The following PLA2G4E variants were observed in gnomAD, a reference collection of about 807,000 sequenced individuals.
PLA2G4E encodes the protein cytosolic phospholipase A2 epsilon.
A neutral mutation model predicts 109.1 loss-of-function variants in PLA2G4E; 84 were observed. The ratio of observed to expected loss-of-function variants is 0.77; its 90% CI spans 0.65 to 0.92. The LOEUF is 0.92. Ranked by LOEUF, PLA2G4E falls within the 40% of genes least tolerant of loss-of-function variation. The pLI, the probability that PLA2G4E is intolerant of heterozygous loss-of-function variation, is 0.00. For missense variants in PLA2G4E, 1,057 were observed against 1,076.6 expected (o/e 0.98, Z 0.25); for synonymous variants, 469 against 436.1 (o/e 1.08, Z -0.94).
intron 1 of PLA2G4E, among the ~76,000 whole-genome samples, chr15:42,039,625 GATAA>G (rs1811349685): frequency 6.6e-6 from 1 of 151,864 alleles, no homozygotes; most frequent in South Asian, 2.1e-4. Flanking sequence ...GGATTATAAA[GATAA>G]ATAAGTAAAA....
At chr15:41,997,037 G>A in intron 11 of PLA2G4E, 87 bp downstream of exon 11, 1 of 1,426,590 alleles carries the variant, frequency 7.0e-7, no homozygotes, top group South Asian at 1.5e-5. Flanking sequence ...GTGGCGCCTG[G>A]GGTAGGGCAG....
intron 1 of PLA2G4E, among the ~76,000 whole-genome samples, chr15:42,025,276 C>G (rs1051903701): frequency 2.6e-5 from 4 of 151,656 alleles, no homozygotes; most frequent in African/African-American, 9.7e-5. Flanking sequence ...GCCAGTAAGA[C>G]AGGTTTACTT....
At chr15:42,010,151 G>C (rs539690673) in intron 2 of PLA2G4E, 19 of 388,666 alleles carry the variant, frequency 4.9e-5, no homozygotes, top group South Asian at 4.4e-4. Flanking sequence ...CCCCGGGCCT[G>C]GACCACACCC....
intron 2 of PLA2G4E, 99 bp from the exon 3 acceptor site, chr15:42,007,964 C>T: frequency 1.5e-6 from 2 of 1,328,418 alleles, no homozygotes; most frequent in Non-Finnish European, 2.1e-6. Flanking sequence ...CAGGCCCCAT[C>T]TCAGCTCCAG....
intron 1 of PLA2G4E, among the ~76,000 whole-genome samples, chr15:42,029,085 G>GCTTTTCTTTT (rs550182517): frequency 6.6e-6 from 1 of 151,988 alleles, no homozygotes; most frequent in Non-Finnish European, 1.5e-5. Flanking sequence ...CCAGCTTAGT[G>GCTTTTCTTTT]CTTTTCTTTT....
chr15:41,983,777 G>A, exon 20 of PLA2G4E: 1 of 1,599,016 alleles, frequency 6.3e-7, no homozygotes, highest in East Asian at 2.3e-5. Context: ...TGGCCCTTCA[G>A]GCGCTTCTTC....
At chr15:42,036,394 G>C (rs7181387) in intron 1 of PLA2G4E, among the ~76,000 whole-genome samples, 1 of 152,198 alleles carries the variant, frequency 6.6e-6, no homozygotes, top group Non-Finnish European at 1.5e-5. Context: ...AGGGGGAACT[G>C]GGGATGCGCT....
chr15:42,015,944 C>T (rs541076447), intron 1 of PLA2G4E, among the ~76,000 whole-genome samples: 27 of 152,322 alleles, frequency 1.8e-4, no homozygotes, highest in East Asian at 1.4e-3. Context: ...GAAGCCCCTT[C>T]GCTGAGAGTT....
chr15:42,007,755 T>C, exon 3 of PLA2G4E: 4 of 1,612,796 alleles, frequency 2.5e-6, no homozygotes, highest in African/African-American at 1.3e-5. Flanking sequence ...ATCTGGAAGT[T>C]GAAGCTTTCA....
intron 14 of PLA2G4E, 143 bp from the exon 15 acceptor site, chr15:41,989,695 G>A (rs2068211227): frequency 1.7e-6 from 2 of 1,172,002 alleles, no homozygotes; most frequent in Non-Finnish European, 2.3e-6. Context: ...AAGGACACAT[G>A]GGGGCACCCT....
intron 1 of PLA2G4E, among the ~76,000 whole-genome samples, chr15:42,019,786 G>T (rs562999704): frequency 1.3e-5 from 2 of 152,156 alleles, no homozygotes; most frequent in Non-Finnish European, 2.9e-5. Context: ...TTATCACCAG[G>T]CTAGTTGAGT....
chr15:41,995,465 C>T (rs934388527), exon 12 of PLA2G4E: 5 of 1,613,836 alleles, frequency 3.1e-6, no homozygotes, highest in African/African-American at 1.3e-5. Context: ...TCTTGTTCCA[C>T]CCCCAGTGGC....
Position 42,006,112 on chromosome 15 carries a change from C to G in PLA2G4E, c.403G>C (p.Glu135Gln), listed in dbSNP as rs762572466. ...GTGTCTTCATCACAGACACTCAACT[C>G]TAGCACGTTCTAGGGGAGAAGGAAG... The change falls in exon 4 of 20, where the codon GAG becomes CAG. Residue 135 changes from glutamate to glutamine, a missense_variant. Glu to Gln is a conservative substitution (Grantham distance 29, BLOSUM62 2). Transcript: ENST00000399518. 90 of 1,613,696 alleles carry G rather than the reference C, an allele frequency of 5.6e-5. No individual in the cohort carries two copies. Among genetic ancestry groups the G allele is most frequent in the Non-Finnish European group, 7.0e-5 (82 of 1,179,752 alleles).
chr15:42,033,380 T>C (rs1428395914), intron 1 of PLA2G4E, among the ~76,000 whole-genome samples: 2 of 152,116 alleles, frequency 1.3e-5, no homozygotes, highest in Non-Finnish European at 2.9e-5. Flanking sequence ...GCCACACTGT[T>C]GGTTTTAAGG....
chr15:41,992,057 G>A (rs1045235666), intron 13 of PLA2G4E, among the ~76,000 whole-genome samples: 1 of 152,170 alleles, frequency 6.6e-6, no homozygotes, highest in Admixed American at 6.5e-5. Context: ...CCTCTTCTTG[G>A]GCACGTATTA....
At chr15:41,999,544 T>G (rs1189170121) in exon 10 of PLA2G4E, 1 of 1,611,686 alleles carries the variant, frequency 6.2e-7, no homozygotes, top group Non-Finnish European at 8.5e-7. Context: ...ACTTCATGTG[T>G]AATTCATAAC....
At chr15:42,013,833 C>A (rs2068562253) in intron 1 of PLA2G4E, 76 bp from the exon 2 acceptor site, 1 of 1,221,990 alleles carries the variant, frequency 8.2e-7, no homozygotes, top group Non-Finnish European at 1.2e-6. Context: ...GACTTTCCCG[C>A]TATGCCTCCT....
At chr15:42,034,156 G>A (rs77258991) in intron 1 of PLA2G4E, among the ~76,000 whole-genome samples, 13,199 of 152,240 alleles carry the variant, frequency 0.087, 1,205 homozygotes, top group African/African-American at 0.22. Context: ...AGGGTTTCCT[G>A]GGACTCAAGA....
intron 1 of PLA2G4E, among the ~76,000 whole-genome samples, chr15:42,026,683 T>C (rs1008701638): frequency 3.9e-5 from 6 of 152,026 alleles, no homozygotes; most frequent in Admixed American, 2.6e-4. Context: ...TAGAAAGATA[T>C]GTATGAGGGT....
Sources: allele counts gnomAD v4.1 joint callset (sites outside exome capture counted in the v4.1 genomes callset), GRCh38; gene constraint gnomAD v4.1.1; transcripts MANE v1.5; gene names NCBI Gene and HGNC (gene_info 2026-07-23, HGNC 2026-07-21).